Variants in TFPI observed in about 807,000 individuals in gnomAD.
The protein encoded by TFPI is tissue factor pathway inhibitor, also known as anti-convertin.
In TFPI, 15 loss-of-function variants were observed where a neutral mutation model predicts 34.6. The observed-to-expected ratio is 0.43, with a 90% CI of 0.29 to 0.67. The LOEUF (loss-of-function observed/expected upper bound fraction) is 0.67. TFPI is among the 30% of genes least tolerant of loss of function. TFPI has a pLI of 0.15. For missense variants in TFPI, 301 were observed against 364.0 expected, an observed-to-expected ratio of 0.83 and a Z score of 1.41; for synonymous variants, 105 against 120.1, an observed-to-expected ratio of 0.87 and a Z score of 0.82.
chr2:187,521,877 A>G (rs527611293), intron 1 of TFPI, among the ~76,000 whole-genome samples: 3 of 152,076 alleles, frequency 2.0e-5, no homozygotes, highest in Non-Finnish European at 2.9e-5. Flanking sequence ...CAGCATTCCA[A>G]TTTCCACACA....
At chr2:187,527,045 A>G (rs1687716276) in intron 1 of TFPI, 3 of 152,008 alleles carry the variant, frequency 2.0e-5, no homozygotes, top group Admixed American at 6.6e-5. Context: ...GTTTTGTTTT[A>G]TCTTTAACTG....
chr2:187,535,754 T>C (rs1688214970), intron 1 of TFPI, among the ~76,000 whole-genome samples: 3 of 151,684 alleles, frequency 2.0e-5, no homozygotes. Flanking sequence ...AAGAGGGAGA[T>C]AGAGACAGGA....
chr2:187,512,813 T>C (rs1686738755), intron 1 of TFPI, among the ~76,000 whole-genome samples: 1 of 152,116 alleles, frequency 6.6e-6, no homozygotes. Flanking sequence ...GAATGTTATA[T>C]GGTAAATTCT....
Position 187,465,438 on chromosome 2 carries a change from C to T in TFPI, c.*1498G>A, listed in dbSNP as rs1334024224. 1.4e-5 allele frequency: 2 copies of T among 147,150 alleles called. No individual in the cohort carries two copies. The highest frequency in any genetic ancestry group is 5.1e-5 in the African/African-American group (2 of 39,442). 9.1% of individuals were successfully genotyped at this position (147,150 alleles called of 1,614,324 possible). ...TGTGATTGCACCACTGCACTCCAGC[C>T]TGGGTGACAGAGTGGGACCCTGTCT... On this transcript the variant is annotated 3_prime_UTR_variant, in exon 8 of 8. Transcript: ENST00000233156.
chr2:187,553,623 G>T (rs567490018), intron 1 of TFPI, among the ~76,000 whole-genome samples: 3 of 152,024 alleles, frequency 2.0e-5, no homozygotes, highest in African/African-American at 7.3e-5. Context: ...AAGTATTCTC[G>T]TTTAAGTATC....
intron 3 of TFPI, among the ~76,000 whole-genome samples, chr2:187,488,849 A>G (rs1693491924): frequency 6.6e-6 from 1 of 151,490 alleles, no homozygotes. Flanking sequence ...AAGTTTCATT[A>G]TTATTACCAA....
rs72906209 is a variant in TFPI at position 187,512,103 on chromosome 2, C to T, written c.-2-8333G>A. ...GGGAATACCCCAAAAGCATTGAGGC[C>T]GCTGATAACCCCTAGACTTCCTATC... On this transcript the variant is annotated intron_variant, in intron 1 of 7. Coordinates refer to ENST00000233156, the MANE Select transcript of TFPI (RefSeq NM_006287.6). Among the ~76,000 whole-genome samples the T allele has an allele frequency of 1.3e-3, 199 of 152,026 alleles. 1 individual carries two copies. Among genetic ancestry groups the T allele is most frequent in the African/African-American group, 4.4e-3 (182 of 41,474 alleles).
intron 1 of TFPI, among the ~76,000 whole-genome samples, chr2:187,550,983 T>TTGGCAGCAGTGTGG (rs1689075454): frequency 6.6e-6 from 1 of 152,066 alleles, no homozygotes; most frequent in East Asian, 1.9e-4. Context: ...ATAGACTAGG[T>TTGGCAGCAGTGTGG]TGGCAGCAGT....
chr2:187,489,889 T>C (rs1246769379), intron 3 of TFPI, among the ~76,000 whole-genome samples: 1 of 151,556 alleles, frequency 6.6e-6, no homozygotes, highest in East Asian at 1.9e-4. Context: ...CGATTAATAG[T>C]TAGAAAAGAT....
At chr2:187,543,010 G>A (rs573993548) in intron 1 of TFPI, among the ~76,000 whole-genome samples, 1 of 152,216 alleles carries the variant, frequency 6.6e-6, no homozygotes, top group East Asian at 1.9e-4. Context: ...TTTGTTAACT[G>A]GACAGAGATA....
chr2:187,482,103 A>G (rs1692909307), intron 6 of TFPI, among the ~76,000 whole-genome samples: 1 of 152,002 alleles, frequency 6.6e-6, no homozygotes, highest in South Asian at 2.1e-4. Context: ...TTTATACTTC[A>G]AAAAAACTTA....
At chr2:187,535,044 T>G (rs1688173624) in intron 1 of TFPI, among the ~76,000 whole-genome samples, 1 of 152,148 alleles carries the variant, frequency 6.6e-6, no homozygotes, top group Non-Finnish European at 1.5e-5. Context: ...CTAACAATCC[T>G]AAATACATAT....
chr2:187,489,421 G>C (rs182643102), intron 3 of TFPI, among the ~76,000 whole-genome samples: 1 of 151,104 alleles, frequency 6.6e-6, no homozygotes, highest in Non-Finnish European at 1.5e-5. Flanking sequence ...TGTATCTATT[G>C]AGGTAAGTTT....
At chr2:187,524,268 C>A (rs9288142) in intron 1 of TFPI, among the ~76,000 whole-genome samples, 35,482 of 151,782 alleles carry the variant, frequency 0.23, 5,292 homozygotes, top group African/African-American at 0.39. Flanking sequence ...GTATATAACT[C>A]GGGGTAAAAT....
At chr2:187,551,573 C>A (rs115370509) in intron 1 of TFPI, among the ~76,000 whole-genome samples, 1 of 151,910 alleles carries the variant, frequency 6.6e-6, no homozygotes, top group South Asian at 2.1e-4. Context: ...ACTGGGCCCC[C>A]GGAATTGATA....
intron 1 of TFPI, among the ~76,000 whole-genome samples, chr2:187,510,652 G>A (rs1686559260): frequency 6.6e-6 from 1 of 152,154 alleles, no homozygotes; most frequent in South Asian, 2.1e-4. Flanking sequence ...AACCAGTTAT[G>A]TCATCTATAG....
At chr2:187,508,992 AT>A (rs1686431438) in intron 1 of TFPI, among the ~76,000 whole-genome samples, 1 of 152,050 alleles carries the variant, frequency 6.6e-6, no homozygotes, top group South Asian at 2.1e-4. Flanking sequence ...TTTATTGAGA[AT>A]TTTTAGCATG....
At chr2:187,485,266 ACTC>A (rs2106017718) in intron 4 of TFPI, among the ~76,000 whole-genome samples, 2 of 151,522 alleles carry the variant, frequency 1.3e-5, no homozygotes, top group East Asian at 3.9e-4. Context: ...ACCATGTACC[ACTC>A]TTGCTTTGAA....
chr2:187,514,014 C>T (rs1402307303), intron 1 of TFPI: 2 of 152,082 alleles, frequency 1.3e-5, no homozygotes, highest in Admixed American at 6.6e-5. Context: ...CCATAAAGAC[C>T]CCAGTGCCAA....
Sources: gnomAD v4.1 joint callset for allele counts (sites outside exome capture counted in the v4.1 genomes callset) on GRCh38, gnomAD v4.1.1 for gene constraint, MANE v1.5 for transcripts, NCBI Gene and HGNC (gene_info 2026-07-23, HGNC 2026-07-21) for gene names.